Variants in CAD observed in about 807,000 individuals in gnomAD.
The protein encoded by CAD is carbamoyl-phosphate synthetase 2, aspartate transcarbamylase, and dihydroorotase.
A neutral mutation model predicts 237.2 loss-of-function variants in CAD; 81 were observed. The observed-to-expected ratio is 0.34, with a 90% CI of 0.29 to 0.41. CAD has a LOEUF of 0.41. CAD is among the 10% of genes least tolerant of loss of function. The pLI is 1.00. For missense variants in CAD, 2,181 were observed against 2,951.7 expected (o/e 0.74, Z 6.05); for synonymous variants, 1,196 against 1,162.8 (o/e 1.03, Z -0.58).
Position 27,235,033 on chromosome 2 carries a change from A to G in CAD, c.3787-212A>G, listed in dbSNP as rs1675936042. ...TGCTATTTGAATTGAGTTTTGAAGG[A>G]TGGTTAAGGTTTTTTATTTGCAAGG... On this transcript the variant is annotated intron_variant, in intron 23 of 43. Coordinates refer to ENST00000264705, the MANE Select transcript of CAD (RefSeq NM_004341.5). This position sits in a 1 kb window ranked among gnomAD's most constrained non-coding sequence, Gnocchi z 5.2. 6.6e-6 allele frequency among the ~76,000 whole-genome samples: 1 copy of G among 152,106 alleles called. No individual in the cohort carries two copies. Among genetic ancestry groups the G allele is most frequent in the Admixed American group, 6.5e-5 (1 of 15,270 alleles).
chr2:27,235,867 C>T lies in CAD; in HGVS notation c.4074+227C>T. ...CTCCAGCTTGGGAAACAGTGAGATG[C>T]TGTCTCAAAAAAAAAAAAAACAAAG... is the stretch of plus-strand genomic sequence containing the variant. On this transcript the variant is annotated intron_variant, in intron 25 of 43. Transcript: ENST00000264705. This position sits in a 1 kb window ranked among gnomAD's most constrained non-coding sequence, Gnocchi z 5.2. 1 of 473,326 alleles carries T rather than the reference C, an allele frequency of 2.1e-6. No homozygotes were observed. The highest frequency in any genetic ancestry group is 3.7e-6 in the Non-Finnish European group (1 of 271,572). 29.3% of individuals were successfully genotyped at this position (473,326 alleles called of 1,614,324 possible).
chr2:27,229,875 A>AG (rs1191497227), intron 15 of CAD, among the ~76,000 whole-genome samples: 6 of 122,292 alleles, frequency 4.9e-5, no homozygotes, highest in African/African-American at 1.6e-4. Context: ...ACTACGTCTC[A>AG]GAAAAAAAAA....
rs1183606373 is a variant in CAD at position 27,242,749 on chromosome 2, T to G, written c.6352T>G (p.Phe2118Val). The G allele has an allele frequency of 6.2e-7, 1 of 1,614,182 alleles. No homozygotes were observed. The highest frequency in any genetic ancestry group is 8.5e-7 in the Non-Finnish European group (1 of 1,180,030). ...SLRMPPTVRA[F>V]VASRGTKQEE... ...GCGCATGCCACCCACTGTGCGGGCC[T>G]TCGTGGCCTCCCGCGGCACCAAGCA... is the stretch of plus-strand genomic sequence containing the variant. The change falls in exon 41 of 44, where the codon TTC (phenylalanine) becomes GTC (valine). Residue 2118 changes from phenylalanine (F) to valine (V), a missense_variant. Phe to Val is a conservative substitution (Grantham distance 50). Transcript: ENST00000264705. The surrounding 1 kb of genome is among the most constrained non-coding windows in gnomAD (Gnocchi z 6.4).
At position 27,243,709 on chromosome 2, in the gene CAD, C is replaced by T; in HGVS notation, c.*191C>T. 1.7e-6 allele frequency: 1 copy of T among 600,700 alleles called. No homozygotes were observed. Among genetic ancestry groups the T allele is most frequent in the Non-Finnish European group, 3.0e-6 (1 of 336,528 alleles). 37.2% of individuals were successfully genotyped at this position (600,700 alleles called of 1,614,324 possible). ...GCCTCAGATGCTGGGGCCCAGTCTG[C>T]CCCATCTTCATTCCTGCACCTTAAA... is the stretch of plus-strand genomic sequence containing the variant. On this transcript the variant is annotated 3_prime_UTR_variant, in exon 44 of 44. Transcript: ENST00000264705.
Position 27,221,156 on chromosome 2 carries a change from G to A in CAD, c.223-62G>A, listed in dbSNP as rs73921475. Reference sequence around the variant, plus strand: ...ATATAGGGTCTGTGGCCACACAATCGGGAAAATGCTGCAAAGAAATAACTT... The same window carrying A: ...ATATAGGGTCTGTGGCCACACAATCAGGAAAATGCTGCAAAGAAATAACTT... On this transcript the variant is annotated intron_variant, in intron 2 of 43. Coordinates refer to ENST00000264705, the MANE Select transcript of CAD (RefSeq NM_004341.5). 0.05 allele frequency: 70,856 copies of A among 1,427,290 alleles called. 2,041 individuals carry two copies. Among genetic ancestry groups the A allele is most frequent in the African/African-American group, 0.11 (7,577 of 70,156 alleles). 88.4% of individuals were successfully genotyped at this position (1,427,290 alleles called of 1,614,324 possible).
chr2:27,223,142 G>T lies in CAD; in HGVS notation c.809+105G>T, dbSNP rs1454836134. On this transcript the variant is annotated intron_variant, in intron 6 of 43. Coordinates refer to ENST00000264705, the MANE Select transcript of CAD (RefSeq NM_004341.5). ...TGTTTATTCGTGTTGAAATAGGAGC[G>T]GGGGGGTTGCAGGTGAGGTGGCTCC... The T allele has an allele frequency of 3.2e-6, 4 of 1,243,066 alleles. No individual in the cohort carries two copies. The South Asian group carries it at 5.4e-5, about 17-fold the overall frequency. 77.0% of individuals were successfully genotyped at this position (1,243,066 alleles called of 1,614,324 possible).
chr2:27,235,234 C>G lies in CAD; in HGVS notation c.3787-11C>G. The G allele has an allele frequency of 1.3e-6, 2 of 1,594,986 alleles. No homozygotes were observed. The highest frequency in any genetic ancestry group is 1.7e-6 in the Non-Finnish European group (2 of 1,169,552). ...CACCTTGGCCCTCTCTCTTCCCTCC[C>G]GCCCCTTTAGGTGCCTCAGTTCTCC... On this transcript the variant is annotated splice_polypyrimidine_tract_variant and intron_variant, in intron 23 of 43. Transcript: ENST00000264705. The surrounding 1 kb of genome is among the most constrained non-coding windows in gnomAD (Gnocchi z 5.2).
chr2:27,233,039 C>T lies in CAD; in HGVS notation c.2893-3C>T. 6.3e-7 allele frequency: 1 copy of T among 1,597,074 alleles called. No homozygotes were observed. The highest frequency in any genetic ancestry group is 8.6e-7 in the Non-Finnish European group (1 of 1,164,470). ...CTAAGTACCCTTCCCCTCCCTCTTG[C>T]AGATGGGATATAAGACCATCATGGT... On this transcript the variant is annotated splice_region_variant and splice_polypyrimidine_tract_variant and intron_variant, in intron 18 of 43. Coordinates refer to ENST00000264705, the MANE Select transcript of CAD (RefSeq NM_004341.5). The surrounding 1 kb of genome is among the most constrained non-coding windows in gnomAD (Gnocchi z 6.3).
chr2:27,240,624 C>T lies in CAD; in HGVS notation c.5593+263C>T, dbSNP rs142116749. On this transcript the variant is annotated intron_variant, in intron 35 of 43. Transcript: ENST00000264705. This position sits in a 1 kb window ranked among gnomAD's most constrained non-coding sequence, Gnocchi z 4.6. ...CGGGGCAGCAGAGCGTGGGGTAAAT[C>T]CAGGTTGTTGGTTGGTGTGAGTCTG... 5.5e-3 allele frequency: 8,429 copies of T among 1,543,642 alleles called. 28 individuals carry two copies. Among genetic ancestry groups the T allele is most frequent in the South Asian group, 7.0e-3 (578 of 83,142 alleles).
In CAD at chr2:27,242,133, G is replaced by C; in HGVS notation, c.6096+10G>C. ...GCCTGGAGCAGTGGAGGTGAGGCCA[G>C]CCTGGGTACTGAGATGGGGTTAAGA... On this transcript the variant is annotated intron_variant, in intron 39 of 43. Transcript: ENST00000264705. The surrounding 1 kb of genome is among the most constrained non-coding windows in gnomAD (Gnocchi z 6.4). The C allele has an allele frequency of 1.2e-6, 2 of 1,611,770 alleles. No homozygotes were observed. The highest frequency in any genetic ancestry group is 1.7e-6 in the Non-Finnish European group (2 of 1,179,530).
Position 27,239,887 on chromosome 2 carries a change from C to G in CAD, c.5496+89C>G. On this transcript the variant is annotated intron_variant, in intron 34 of 43. Coordinates refer to ENST00000264705, the MANE Select transcript of CAD (RefSeq NM_004341.5). This position sits in a 1 kb window ranked among gnomAD's most constrained non-coding sequence, Gnocchi z 4.0. ...AACATTTTCATTGGTGGTTCAGGAA[C>G]AATTGGGGTTTTCTTGAGGGACTGA... 1.0e-6 allele frequency: 1 copy of G among 977,838 alleles called. No individual in the cohort carries two copies. Among genetic ancestry groups the G allele is most frequent in the South Asian group, 1.8e-5 (1 of 55,812 alleles). 60.6% of individuals were successfully genotyped at this position (977,838 alleles called of 1,614,324 possible).
intron 4 of CAD, 80 bp downstream of exon 4, chr2:27,222,416 G>GA: frequency 2.5e-6 from 4 of 1,583,044 alleles, no homozygotes; most frequent in Non-Finnish European, 3.5e-6. Context: ...GTGAACACAG[G>GA]AGAGAATCAA....
chr2:27,240,324 G>A lies in CAD; in HGVS notation c.5556G>A (p.Pro1852=), dbSNP rs768114659. The A allele has an allele frequency of 9.3e-6, 15 of 1,613,794 alleles. No homozygotes were observed. Among genetic ancestry groups the A allele is most frequent in the South Asian group, 6.6e-5 (6 of 91,076 alleles). ...PGLPDGRFHL[P]PRIHRASDPG... ...TTCCTGATGGCCGCTTCCATCTGCCGCCCCGAATCCATCGAGCCTCCGACC... is the reference window on the plus strand; with the variant it reads ...TTCCTGATGGCCGCTTCCATCTGCCACCCCGAATCCATCGAGCCTCCGACC... Residue 1852 remains proline, a synonymous_variant, in exon 35 of 44, where the codon CCG becomes CCA. Transcript: ENST00000264705. This position sits in a 1 kb window ranked among gnomAD's most constrained non-coding sequence, Gnocchi z 4.6.
In CAD at chr2:27,236,158, C is replaced by G; in HGVS notation, c.4075-126C>G. The G allele has an allele frequency of 8.0e-7, 1 of 1,255,770 alleles. No homozygotes were observed. Among genetic ancestry groups the G allele is most frequent in the South Asian group, 1.5e-5 (1 of 68,024 alleles). 77.8% of individuals were successfully genotyped at this position (1,255,770 alleles called of 1,614,324 possible). ...GCCAGTATCAAATAGAGGCAGCCCT[C>G]AGTGCCCACCCTATGGGTCCTCAGT... On this transcript the variant is annotated intron_variant, in intron 25 of 43. Coordinates refer to ENST00000264705, the MANE Select transcript of CAD (RefSeq NM_004341.5). The surrounding 1 kb of genome is among the most constrained non-coding windows in gnomAD (Gnocchi z 4.1).
chr2:27,223,958 TG>T lies in CAD; in HGVS notation c.1039del (p.Glu347AsnfsTer11). Reference sequence around the variant, plus strand: ...GAGCACCAAGCTGGCCCTTCAGATATGGAACTGCTTTTCGATATCTTTCTGG... The same window carrying T: ...GAGCACCAAGCTGGCCCTTCAGATATGAACTGCTTTTCGATATCTTTCTGG... Reference protein sequence around the residue: ...HPEHQAGPSDMELLFDIFLET... With the variant: ...HPEHQAGPSDXELLFDIFLET... On this transcript the variant is annotated frameshift_variant, in exon 8 of 44. Coordinates refer to ENST00000264705, the MANE Select transcript of CAD (RefSeq NM_004341.5). LOFTEE classifies it high-confidence loss of function. 1 of 1,614,122 alleles carries T rather than the reference TG, an allele frequency of 6.2e-7. No homozygotes were observed. The highest frequency in any genetic ancestry group is 8.5e-7 in the Non-Finnish European group (1 of 1,179,970).
chr2:27,227,910 C>T lies in CAD; in HGVS notation c.2287+948C>T, dbSNP rs1005391308. Among the ~76,000 whole-genome samples the T allele has an allele frequency of 1.3e-4, 20 of 152,306 alleles. 1 individual carries two copies. The highest frequency in any genetic ancestry group is 3.4e-4 in the African/African-American group (14 of 41,572). On this transcript the variant is annotated intron_variant, in intron 15 of 43. Transcript: ENST00000264705. ...ATTGATTAATTCGACCGTGTATCTG[C>T]GACTGCATAATTCAGCCGTGTATCT...
Position 27,241,412 on chromosome 2 carries a change from G to A in CAD, c.5883+16G>A, listed in dbSNP as rs201430591. 5.3e-5 allele frequency: 85 copies of A among 1,612,436 alleles called. No homozygotes were observed. In the South Asian group the frequency reaches 6.7e-4, roughly 13 times the overall value. On this transcript the variant is annotated intron_variant, in intron 38 of 43. Coordinates refer to ENST00000264705, the MANE Select transcript of CAD (RefSeq NM_004341.5). This position sits in a 1 kb window ranked among gnomAD's most constrained non-coding sequence, Gnocchi z 4.6. ...CATCCTGAAGGTCAGGATCAGGGCC[G>A]GGGGTAGGGTCCAGGCCATCGCCTG... is the stretch of plus-strand genomic sequence containing the variant.
Position 27,236,834 on chromosome 2 carries a change from A to G in CAD, c.4396+4A>G. ...CAAAAGCTTGTGCGACTGCCGGGTA[A>G]GTCTTTGGGGAGAACTTGGCTTCTG... On this transcript the variant is annotated splice_donor_region_variant and intron_variant, in intron 27 of 43. Transcript: ENST00000264705. This position sits in a 1 kb window ranked among gnomAD's most constrained non-coding sequence, Gnocchi z 4.1. 6.2e-7 allele frequency: 1 copy of G among 1,613,704 alleles called. No individual in the cohort carries two copies. The highest frequency in any genetic ancestry group is 1.1e-5 in the South Asian group (1 of 91,072).
chr2:27,218,360 A>G (rs1209666043), intron 2 of CAD, among the ~76,000 whole-genome samples: 2 of 152,240 alleles, frequency 1.3e-5, no homozygotes, highest in African/African-American at 4.8e-5. Flanking sequence ...GGCATGCAGA[A>G]GTCAGGAGAA....
Sources: allele counts gnomAD v4.1 joint callset (sites outside exome capture counted in the v4.1 genomes callset), GRCh38; gene constraint gnomAD v4.1.1; non-coding constraint Gnocchi (gnomAD v3.1); transcripts MANE v1.5; gene names NCBI Gene and HGNC (gene_info 2026-07-23, HGNC 2026-07-21).